MAP3K7: variants seen among roughly 807,000 people sequenced by gnomAD.
The protein encoded by MAP3K7 is mitogen-activated protein kinase kinase kinase 7.
MAP3K7 carries 21 observed loss-of-function variants against 84.8 expected under a neutral mutation model. That is an observed-to-expected ratio of 0.25 (90% CI 0.18 to 0.36). The LOEUF (loss-of-function observed/expected upper bound fraction) is 0.36. Among genes scored for constraint, MAP3K7 ranks in the 10% least tolerant of loss-of-function variants. The pLI is 1.00. For synonymous variants in MAP3K7, 241 were observed against 247.7 expected, an observed-to-expected ratio of 0.97 and a Z score of 0.25; for missense variants, 503 against 747.7, an observed-to-expected ratio of 0.67 and a Z score of 3.82.
intron 2 of MAP3K7, among the ~76,000 whole-genome samples, chr6:90,571,293 T>G (rs1338242936): frequency 6.6e-6 from 1 of 152,152 alleles, no homozygotes; most frequent in Non-Finnish European, 1.5e-5. Flanking sequence ...AAATCAAATT[T>G]GAAATAATTT....
chr6:90,532,177 G>A lies in MAP3K7; in HGVS notation c.1356+4160C>T, dbSNP rs192087340. ...TGTATATTAATATCACTCAATATGC[G>A]ATAAGAGACCTTTAAAGCAAATACT... On this transcript the variant is annotated intron_variant, in intron 13 of 16. Transcript: ENST00000369329. Among the ~76,000 whole-genome samples, 188 of 152,202 alleles carry A rather than the reference G, an allele frequency of 1.2e-3. 1 individual carries two copies. Among genetic ancestry groups the A allele is most frequent in the Middle Eastern group, 6.8e-3 (2 of 294 alleles).
At chr6:90,585,390 T>G (rs1404990621) in intron 1 of MAP3K7, among the ~76,000 whole-genome samples, 1 of 152,250 alleles carries the variant, frequency 6.6e-6, no homozygotes, top group Non-Finnish European at 1.5e-5. Flanking sequence ...TTGTTGAACG[T>G]TATCTCACTA....
intron 11 of MAP3K7, among the ~76,000 whole-genome samples, chr6:90,545,549 G>T (rs1288458590): frequency 6.6e-6 from 1 of 152,134 alleles, no homozygotes; most frequent in Non-Finnish European, 1.5e-5. Flanking sequence ...AAGCATGAGG[G>T]TATGTCCCGG....
chr6:90,536,668 T>C, intron 12 of MAP3K7: 1 of 355,248 alleles, frequency 2.8e-6, no homozygotes, highest in East Asian at 5.3e-5. Context: ...TTCTACCACA[T>C]GAATAGCTGC....
Position 90,525,084 on chromosome 6 carries a change from T to C in MAP3K7, c.1357-1301A>G, listed in dbSNP as rs116733756. ...TATCAGTAACCACAATAAATGTAAA[T>C]GAATTACTCTCCAGTTAAGATATTT... On this transcript the variant is annotated intron_variant, in intron 13 of 16. Transcript: ENST00000369329. Among the ~76,000 whole-genome samples the C allele has an allele frequency of 3.0e-3, 457 of 151,718 alleles. 4 individuals carry two copies. The highest frequency in any genetic ancestry group is 0.011 in the African/African-American group (435 of 41,402).
chr6:90,581,913 C>T (rs1777284539), intron 1 of MAP3K7, among the ~76,000 whole-genome samples: 1 of 152,180 alleles, frequency 6.6e-6, no homozygotes, highest in South Asian at 2.1e-4. Context: ...CTATCTATAT[C>T]TCCTCTTTGT....
At position 90,580,920 on chromosome 6, in the gene MAP3K7, T is replaced by C. The variant is rs1477636849; in HGVS notation, c.120+5844A>G. Among the ~76,000 whole-genome samples the C allele has an allele frequency of 2.0e-5, 3 of 152,250 alleles. No individual in the cohort carries two copies. In the East Asian group the frequency reaches 5.8e-4, roughly 29 times the overall value. The stretch of plus-strand genomic sequence containing the variant: ...TTTATGATAAGCATTTCTCCCCCTA[T>C]GGTTGAAACCTCTTTGTTTTGGGTC... On this transcript the variant is annotated intron_variant, in intron 1 of 16. Coordinates refer to ENST00000369329, the MANE Select transcript of MAP3K7 (RefSeq NM_145331.3).
chr6:90,525,197 A>C (rs1410823452), intron 13 of MAP3K7, among the ~76,000 whole-genome samples: 3 of 152,148 alleles, frequency 2.0e-5, no homozygotes, highest in Admixed American at 1.3e-4. Flanking sequence ...AGAAAGTTAA[A>C]GGATAAAAAA....
At position 90,560,158 on chromosome 6, in the gene MAP3K7, A is replaced by T; in HGVS notation, c.400T>A (p.Cys134Ser). The T allele has an allele frequency of 1.2e-6, 2 of 1,614,234 alleles. No homozygotes were observed. The highest frequency in any genetic ancestry group is 1.7e-6 in the Non-Finnish European group (2 of 1,180,040). The part of the protein sequence containing the change: ...YYTAAHAMSW[C>S]LQCSQGVAYL... ...GCCACTCCTTGGGAACACTGTAAAC[A>T]CCAACTCATTGCGTGGGCAGCAGTA... The change falls in exon 5 of 17, where the codon TGT (cysteine) becomes AGT (serine). Residue 134 changes from cysteine to serine, a missense_variant. Around this residue, in one of 5 missense-constraint regions of MAP3K7, gnomAD observed 97 missense variants for 270.8 expected, o/e 0.36. Coordinates refer to ENST00000369329, the MANE Select transcript of MAP3K7 (RefSeq NM_145331.3).
At chr6:90,526,570 T>C (rs1327431955) in intron 13 of MAP3K7, among the ~76,000 whole-genome samples, 1 of 151,910 alleles carries the variant, frequency 6.6e-6, no homozygotes, top group East Asian at 1.9e-4. Flanking sequence ...TAAAGGAAAA[T>C]ATTTAATTCT....
intron 1 of MAP3K7, among the ~76,000 whole-genome samples, chr6:90,583,177 C>T (rs1211617504): frequency 6.6e-6 from 1 of 152,182 alleles, no homozygotes; most frequent in African/African-American, 2.4e-5. Context: ...GCCACCGCAC[C>T]AAGCCCTATT....
chr6:90,548,918 A>T (rs931424716), intron 9 of MAP3K7, among the ~76,000 whole-genome samples: 20 of 152,062 alleles, frequency 1.3e-4, no homozygotes, highest in Non-Finnish European at 5.9e-5. Context: ...GTAGTGATGT[A>T]GAGATAACTA....
chr6:90,525,791 T>G (rs900461012), intron 13 of MAP3K7, among the ~76,000 whole-genome samples: 2 of 151,910 alleles, frequency 1.3e-5, no homozygotes, highest in African/African-American at 4.8e-5. Context: ...GGTCTCTACC[T>G]CTTGGCCTCA....
intron 3 of MAP3K7, among the ~76,000 whole-genome samples, chr6:90,563,787 T>C (rs950665040): frequency 2.6e-5 from 4 of 151,892 alleles, no homozygotes; most frequent in African/African-American, 9.7e-5. Context: ...AAAGTTGAAA[T>C]GAAGGAAAAA....
chr6:90,556,424 G>A, intron 6 of MAP3K7, 76 bp downstream of exon 6: 1 of 1,484,910 alleles, frequency 6.7e-7, no homozygotes, highest in Non-Finnish European at 9.1e-7. Flanking sequence ...ATGGAAATGG[G>A]GAAAATCTAT....
At chr6:90,584,581 C>T (rs1056228100) in intron 1 of MAP3K7, among the ~76,000 whole-genome samples, 9 of 152,108 alleles carry the variant, frequency 5.9e-5, no homozygotes, top group African/African-American at 1.4e-4. Context: ...TAACCAGAAG[C>T]GAAATAGCTT....
chr6:90,518,385 TATC>T (rs1467311139), intron 16 of MAP3K7, 59 bp downstream of exon 16: 4 of 860,922 alleles, frequency 4.6e-6, no homozygotes, highest in East Asian at 5.4e-5. Flanking sequence ...CATTGCACCT[TATC>T]ATATTTTAAA....
chr6:90,546,821 A>G (rs1217632653), intron 11 of MAP3K7, among the ~76,000 whole-genome samples: 1 of 152,204 alleles, frequency 6.6e-6, no homozygotes, highest in African/African-American at 2.4e-5. Context: ...AGCAGATAGA[A>G]GGTCAAATCA....
chr6:90,580,798 C>A (rs1479527624), intron 1 of MAP3K7, among the ~76,000 whole-genome samples: 4 of 152,080 alleles, frequency 2.6e-5, no homozygotes, highest in African/African-American at 9.7e-5. Flanking sequence ...CAGAGGAATG[C>A]AAAAAGGACT....
Sources: allele counts gnomAD v4.1 joint callset (sites outside exome capture counted in the v4.1 genomes callset), GRCh38; gene constraint gnomAD v4.1.1; regional missense constraint gnomAD v4.1.1; transcripts MANE v1.5; gene names NCBI Gene and HGNC (gene_info 2026-07-23, HGNC 2026-07-21).